MACROD2: variants seen among roughly 807,000 people sequenced by gnomAD.
The protein encoded by MACROD2 is ADP-ribose glycohydrolase MACROD2.
Under a neutral mutation model 70.4 loss-of-function variants are expected in MACROD2, and 36 were observed. The observed-to-expected ratio is 0.51, with a 90% confidence interval of 0.39 to 0.68. The LOEUF (loss-of-function observed/expected upper bound fraction) is 0.68, where lower values mean the gene tolerates loss of function less well. MACROD2 is among the 30% of genes least tolerant of loss of function. MACROD2 has a pLI of 0.00. For missense variants in MACROD2, 496 were observed against 538.4 expected (o/e 0.92, Z 0.78); for synonymous variants, 172 against 178.8 (o/e 0.96, Z 0.30).
intron 3 of MACROD2, among the ~76,000 whole-genome samples, chr20:14,169,884 A>G (rs964661068): frequency 2.6e-5 from 4 of 151,826 alleles, no homozygotes; most frequent in African/African-American, 4.8e-5. Flanking sequence ...GGTTCTTAAG[A>G]ACCTCTGTTA....
intron 5 of MACROD2, among the ~76,000 whole-genome samples, chr20:14,775,770 GA>G (rs1300423567): frequency 6.6e-6 from 1 of 151,748 alleles, no homozygotes; most frequent in Non-Finnish European, 1.5e-5. Flanking sequence ...CTTGCCACTA[GA>G]AAAAACCCTC....
At chr20:14,808,513 G>T (rs1005951963) in intron 5 of MACROD2, among the ~76,000 whole-genome samples, 1 of 152,004 alleles carries the variant, frequency 6.6e-6, no homozygotes, top group African/African-American at 2.4e-5. Flanking sequence ...ACACTATGAA[G>T]AAACTGCATA....
chr20:14,110,982 C>T (rs1759378114), intron 3 of MACROD2, among the ~76,000 whole-genome samples: 1 of 151,948 alleles, frequency 6.6e-6, no homozygotes, highest in Admixed American at 6.6e-5. Context: ...AATTATACTG[C>T]AGAGCTATAG....
chr20:15,348,207 A>G (rs1027612797), intron 6 of MACROD2, among the ~76,000 whole-genome samples: 3 of 152,216 alleles, frequency 2.0e-5, no homozygotes, highest in Non-Finnish European at 1.5e-5. Flanking sequence ...GCTGAGACCC[A>G]GGGCATACTT....
intron 3 of MACROD2, among the ~76,000 whole-genome samples, chr20:14,277,085 G>C (rs146349782): frequency 1.3e-5 from 2 of 152,080 alleles, no homozygotes; most frequent in Admixed American, 6.6e-5. Context: ...GAAGTCCCTG[G>C]CTAGCTGATG....
chr20:15,937,278 A>G (rs78840135), intron 11 of MACROD2, among the ~76,000 whole-genome samples, 198 bp from the exon 12 acceptor site: 2,070 of 152,292 alleles, frequency 0.014, 47 homozygotes, highest in African/African-American at 0.046. Flanking sequence ...CTCTGACTTA[A>G]CTGAAGGTTC....
rs541751752 is a variant in MACROD2 at position 14,526,610 on chromosome 20, G to A, written c.301+33102G>A. On this transcript the variant is annotated intron_variant, in intron 4 of 17. Coordinates refer to ENST00000684519, the MANE Select transcript of MACROD2 (RefSeq NM_001351661.2). ...TGCACTCTTAAGTTCAACTCTTCAC[G>A]GACGTCTATAATATTCCTTATCTCA... is the stretch of plus-strand genomic sequence containing the variant. Among the ~76,000 whole-genome samples, 252 of 152,154 alleles carry A rather than the reference G, an allele frequency of 1.7e-3. 1 individual carries two copies. The highest frequency in any genetic ancestry group is 5.9e-3 in the African/African-American group (245 of 41,488).
intron 5 of MACROD2, among the ~76,000 whole-genome samples, chr20:14,756,969 C>A (rs182497215): frequency 6.6e-6 from 1 of 152,192 alleles, no homozygotes; most frequent in Admixed American, 6.5e-5. Flanking sequence ...ATGTTTGCTT[C>A]CCTTTCCACC....
chr20:14,736,247 T>A (rs1219371455), intron 5 of MACROD2, among the ~76,000 whole-genome samples: 2 of 152,194 alleles, frequency 1.3e-5, no homozygotes, highest in Non-Finnish European at 2.9e-5. Flanking sequence ...ACAAATTGTG[T>A]TACTCCATTT....
chr20:15,510,282 C>G (rs1370461346), intron 8 of MACROD2, among the ~76,000 whole-genome samples: 1 of 152,188 alleles, frequency 6.6e-6, no homozygotes, highest in Non-Finnish European at 1.5e-5. Flanking sequence ...GGAGGTCCTA[C>G]TGAAGGACAT....
intron 8 of MACROD2, among the ~76,000 whole-genome samples, chr20:15,768,069 T>C (rs967539589): frequency 1.3e-5 from 2 of 151,988 alleles, no homozygotes; most frequent in African/African-American, 4.8e-5. Context: ...AAATAAAAGA[T>C]ATATGTATAT....
In MACROD2 at chr20:15,091,198, T is replaced by C. The variant is rs558878724; in HGVS notation, c.419-138742T>C. ...TTGACTTATCTTCCTTTCCCCACTT[T>C]ACCATTGCCTCTCTGGTATGGTCTG... On this transcript the variant is annotated intron_variant, in intron 5 of 17. Transcript: ENST00000684519. Among the ~76,000 whole-genome samples, 27 of 152,164 alleles carry C rather than the reference T, an allele frequency of 1.8e-4. No individual in the cohort carries two copies. The Middle Eastern group carries it at 0.01, about 58-fold the overall frequency.
At chr20:15,109,524 A>G (rs17272709) in intron 5 of MACROD2, among the ~76,000 whole-genome samples, 32,885 of 152,138 alleles carry the variant, frequency 0.22, 4,838 homozygotes, top group Non-Finnish European at 0.32. Flanking sequence ...TGCCCCAGAA[A>G]GAAAAGACGA....
intron 6 of MACROD2, among the ~76,000 whole-genome samples, chr20:15,407,787 G>A (rs945132836): frequency 1.3e-5 from 2 of 152,206 alleles, no homozygotes; most frequent in Non-Finnish European, 2.9e-5. Flanking sequence ...CACATAATAA[G>A]TGCTCAATAA....
At chr20:16,005,111 C>T (rs2147514192) in intron 15 of MACROD2, among the ~76,000 whole-genome samples, 1 of 152,166 alleles carries the variant, frequency 6.6e-6, no homozygotes, top group East Asian at 1.9e-4. Context: ...TGTCTTTAGA[C>T]ATAGAAACAA....
intron 8 of MACROD2, among the ~76,000 whole-genome samples, chr20:15,768,514 G>A (rs962661577): frequency 6.6e-6 from 1 of 152,164 alleles, no homozygotes; most frequent in African/African-American, 2.4e-5. Flanking sequence ...GTGAGTCAGT[G>A]AGTGAGTGGT....
intron 4 of MACROD2, among the ~76,000 whole-genome samples, chr20:14,585,488 G>A (rs1028813): frequency 0.031 from 4,717 of 152,096 alleles, 234 homozygotes; most frequent in African/African-American, 0.11. Flanking sequence ...ACTTGTTTTA[G>A]ATATAGATAA....
Position 15,131,164 on chromosome 20 carries a change from G to A in MACROD2, c.419-98776G>A, listed in dbSNP as rs148482125. Among the ~76,000 whole-genome samples the A allele has an allele frequency of 1.7e-3, 256 of 152,166 alleles. 2 individuals are homozygous for A. The highest frequency in any genetic ancestry group is 5.9e-3 in the African/African-American group (244 of 41,536). ...GCACATAGAGGTTCTAGATTAACCT[G>A]CCCAAGTTTATCATGGTTGACATGG... On this transcript the variant is annotated intron_variant, in intron 5 of 17. Transcript: ENST00000684519.
At chr20:15,491,199 G>A (rs1177685732) in intron 7 of MACROD2, among the ~76,000 whole-genome samples, 1 of 152,150 alleles carries the variant, frequency 6.6e-6, no homozygotes, top group Non-Finnish European at 1.5e-5. Context: ...TGGACTAGAT[G>A]ACCTTTATAC....
Sources: allele counts gnomAD v4.1 joint callset (sites outside exome capture counted in the v4.1 genomes callset), GRCh38; gene constraint gnomAD v4.1.1; transcripts MANE v1.5; gene names NCBI Gene and HGNC (gene_info 2026-07-23, HGNC 2026-07-21).